The following ARID1B variants were observed in gnomAD, a reference collection of about 807,000 sequenced individuals.
ARID1B encodes the protein AT-rich interactive domain-containing protein 1B.
Under a neutral mutation model 212.3 loss-of-function variants are expected in ARID1B, and 30 were observed. The ratio of observed to expected loss-of-function variants is 0.14; its 90% CI spans 0.11 to 0.19. The LOEUF (loss-of-function observed/expected upper bound fraction) is 0.19, where lower values mean the gene tolerates loss of function less well. Among genes scored for constraint, ARID1B ranks in the 10% least tolerant of loss-of-function variants. ARID1B has a pLI of 1.00. For synonymous variants in ARID1B, 1,402 were observed against 1,301.7 expected (o/e 1.08, Z -1.66); for missense variants, 2,891 against 3,204.0 (o/e 0.90, Z 2.36).
At chr6:157,114,113 G>A (rs1000228000) in intron 6 of ARID1B, among the ~76,000 whole-genome samples, 3 of 152,128 alleles carry the variant, frequency 2.0e-5, no homozygotes, top group African/African-American at 7.2e-5. Context: ...CCCCCATATT[G>A]GAAAGTAACT....
chr6:157,056,852 C>T (rs1782988214), intron 4 of ARID1B, among the ~76,000 whole-genome samples: 1 of 149,046 alleles, frequency 6.7e-6, no homozygotes, highest in African/African-American at 2.5e-5. Context: ...CTTTTTTTAA[C>T]TTTTTTTGTT....
At position 157,208,148 on chromosome 6, in the gene ARID1B, A is replaced by G; in HGVS notation, c.*257A>G. The stretch of plus-strand genomic sequence containing the variant: ...TTTTTTTTAACCAAAGTTGCTGTCT[A>G]GTGCATTCAAAGGTCACTTTTTGTT... On this transcript the variant is annotated 3_prime_UTR_variant, in exon 20 of 20. Transcript: ENST00000636930. The G allele has an allele frequency of 2.9e-6, 1 of 345,980 alleles. No individual in the cohort carries two copies. Among genetic ancestry groups the G allele is most frequent in the South Asian group, 1.4e-4 (1 of 6,924 alleles). 21.4% of individuals were successfully genotyped at this position (345,980 alleles called of 1,614,324 possible).
chr6:156,832,992 T>C (rs1486418387), intron 2 of ARID1B, among the ~76,000 whole-genome samples: 2 of 152,210 alleles, frequency 1.3e-5, no homozygotes, highest in African/African-American at 2.4e-5. Context: ...CTAAACAGAT[T>C]AGTTTTGCAC....
chr6:157,107,214 A>AC (rs1288046415), intron 5 of ARID1B, among the ~76,000 whole-genome samples: 12 of 152,302 alleles, frequency 7.9e-5, no homozygotes, highest in African/African-American at 2.9e-4. Context: ...AGAAGGAAAG[A>AC]CTAAAGTACC....
At chr6:157,159,646 A>G (rs1462040676) in intron 8 of ARID1B, among the ~76,000 whole-genome samples, 1 of 152,220 alleles carries the variant, frequency 6.6e-6, no homozygotes, top group African/African-American at 2.4e-5. Flanking sequence ...CCAGACTGGA[A>G]TATGCAGTAT....
At chr6:156,905,252 A>G (rs62434279) in intron 3 of ARID1B, among the ~76,000 whole-genome samples, 2,570 of 125,942 alleles carry the variant, frequency 0.02, 181 homozygotes, top group Admixed American at 0.16. Context: ...ATATGCACGC[A>G]CACACACACA....
At chr6:156,903,096 A>G (rs1187432732) in intron 3 of ARID1B, among the ~76,000 whole-genome samples, 1 of 152,160 alleles carries the variant, frequency 6.6e-6, no homozygotes, top group Admixed American at 6.5e-5. Flanking sequence ...AATGCCTGTC[A>G]TTTTCTTCAA....
chr6:156,864,562 G>C (rs1234466692), intron 2 of ARID1B, among the ~76,000 whole-genome samples: 2 of 152,206 alleles, frequency 1.3e-5, no homozygotes, highest in Non-Finnish European at 2.9e-5. Flanking sequence ...TGTGCTGTCA[G>C]TAACAGTAGG....
chr6:157,070,958 A>G (rs1033902409), intron 4 of ARID1B, among the ~76,000 whole-genome samples: 3 of 152,196 alleles, frequency 2.0e-5, no homozygotes, highest in African/African-American at 4.8e-5. Context: ...GGCACTGTAC[A>G]GAGAAATCCT....
At chr6:157,115,704 GGT>G (rs1456086817) in intron 6 of ARID1B, among the ~76,000 whole-genome samples, 1 of 152,200 alleles carries the variant, frequency 6.6e-6, no homozygotes, top group Admixed American at 6.5e-5. Flanking sequence ...TGGGATTGCA[GGT>G]GTGAGCCACC....
At chr6:156,953,613 A>G (rs1793748944) in intron 4 of ARID1B, among the ~76,000 whole-genome samples, 1 of 152,180 alleles carries the variant, frequency 6.6e-6, no homozygotes, top group South Asian at 2.1e-4. Context: ...CAGGAATATG[A>G]GAATATGTGG....
intron 2 of ARID1B, among the ~76,000 whole-genome samples, chr6:156,883,520 C>G (rs572509283): frequency 5.3e-5 from 8 of 152,182 alleles, no homozygotes; most frequent in African/African-American, 1.4e-4. Flanking sequence ...GCTTTACTTC[C>G]TTCTCCTCTG....
intron 1 of ARID1B, among the ~76,000 whole-genome samples, chr6:156,795,269 G>A (rs1780281796): frequency 1.3e-5 from 2 of 152,154 alleles, no homozygotes; most frequent in South Asian, 4.1e-4. Context: ...ACTGGACGGT[G>A]TCTCAGATTC....
At chr6:157,189,501 G>T in intron 13 of ARID1B, 141 bp from the exon 14 acceptor site, 2 of 1,022,080 alleles carry the variant, frequency 2.0e-6, no homozygotes, top group Non-Finnish European at 2.8e-6. Flanking sequence ...ATCATTATCA[G>T]CAATGGCTAT....
At chr6:156,846,253 C>T (rs896324475) in intron 2 of ARID1B, among the ~76,000 whole-genome samples, 4 of 152,066 alleles carry the variant, frequency 2.6e-5, no homozygotes, top group African/African-American at 9.7e-5. Context: ...CTCCTGGGTT[C>T]AAGTGATTCT....
At position 157,163,962 on chromosome 6, in the gene ARID1B, C is replaced by G. The variant is rs139571309; in HGVS notation, c.3090-3078C>G. Among the ~76,000 whole-genome samples, 1,419 of 152,354 alleles carry G rather than the reference C, an allele frequency of 9.3e-3. 23 individuals are homozygous for G. The highest frequency in any genetic ancestry group is 0.032 in the African/African-American group (1,343 of 41,570). The stretch of plus-strand genomic sequence containing the variant: ...TAGCTGTGTGACTTTAGGCAAGTTA[C>G]TTAACCTTTCTGATCTTTATTGCCT... On this transcript the variant is annotated intron_variant, in intron 8 of 19. Transcript: ENST00000636930.
At chr6:156,799,685 C>G (rs906027309) in intron 1 of ARID1B, among the ~76,000 whole-genome samples, 1 of 152,164 alleles carries the variant, frequency 6.6e-6, no homozygotes. Flanking sequence ...ACCATGTTGG[C>G]AAGGCTGGTC....
intron 1 of ARID1B, among the ~76,000 whole-genome samples, chr6:156,808,779 T>C (rs185881173): frequency 2.6e-5 from 4 of 152,340 alleles, no homozygotes; most frequent in Admixed American, 6.5e-5. Context: ...TTTTAAAATA[T>C]CAATGCTCTT....
At chr6:157,039,322 C>CTTTTCTTTTTTTTTTTTTTTTTTT (rs1781548213) in intron 4 of ARID1B, among the ~76,000 whole-genome samples, 1 of 102,976 alleles carries the variant, frequency 9.7e-6, no homozygotes. Flanking sequence ...TTTGACATTT[C>CTTTTCTTTTTTTTTTTTTTTTTTT]TTTTTTTTTT....
Sources: allele counts gnomAD v4.1 joint callset (sites outside exome capture counted in the v4.1 genomes callset), GRCh38; gene constraint gnomAD v4.1.1; transcripts MANE v1.5; gene names NCBI Gene and HGNC (gene_info 2026-07-23, HGNC 2026-07-21).